Variants in MYT1L observed in about 807,000 individuals in gnomAD.
MYT1L encodes myelin transcription factor 1 like.
In MYT1L, 12 loss-of-function variants were observed where a neutral mutation model predicts 126.7. The ratio of observed to expected loss-of-function variants is 0.09; its 90% CI spans 0.06 to 0.15. The LOEUF is 0.15. Ranked by LOEUF, MYT1L falls within the 10% of genes least tolerant of loss-of-function variation. The probability of loss-of-function intolerance (pLI) is 1.00; values close to 1 mark genes in which losing one functional copy is unlikely to be tolerated. For synonymous variants in MYT1L, 541 were observed against 604.2 expected (o/e 0.90, Z 1.53); for missense variants, 979 against 1,585.2 (o/e 0.62, Z 6.49).
intron 9 of MYT1L, among the ~76,000 whole-genome samples, chr2:1,927,909 C>A (rs533972965): frequency 1.8e-4 from 24 of 134,336 alleles, no homozygotes; most frequent in African/African-American, 2.6e-4. Flanking sequence ...TAATAGCAAT[C>A]GCAATGATAA....
At chr2:2,326,559 C>CAA (rs1463270784) in intron 1 of MYT1L, 1 of 141,160 alleles carries the variant, frequency 7.1e-6, no homozygotes, top group Admixed American at 6.8e-5. Flanking sequence ...CTAAAATATT[C>CAA]CCCCCCGCCA....
intron 1 of MYT1L, among the ~76,000 whole-genome samples, chr2:2,286,056 C>A (rs1427789677): frequency 6.6e-6 from 1 of 152,122 alleles, no homozygotes; most frequent in Non-Finnish European, 1.5e-5. Flanking sequence ...GATCTCAGCT[C>A]ACTGCAACCT....
At chr2:2,003,820 GC>G (rs1424725872) in intron 4 of MYT1L, among the ~76,000 whole-genome samples, 5 of 152,186 alleles carry the variant, frequency 3.3e-5, no homozygotes, top group Admixed American at 3.3e-4. Flanking sequence ...TGTTCTCATG[GC>G]CCCAGGCCCG....
intron 11 of MYT1L, among the ~76,000 whole-genome samples, chr2:1,916,544 T>C (rs1377382839): frequency 6.6e-6 from 1 of 152,228 alleles, no homozygotes; most frequent in African/African-American, 2.4e-5. Context: ...CAAAAAAAGA[T>C]GTATATCATT....
chr2:2,186,049 C>A (rs189649334), intron 2 of MYT1L, among the ~76,000 whole-genome samples: 1 of 129,540 alleles, frequency 7.7e-6, no homozygotes, highest in Non-Finnish European at 1.6e-5. Context: ...CGGACGCAGC[C>A]GGGCCTCCCA....
intron 9 of MYT1L, among the ~76,000 whole-genome samples, chr2:1,933,982 T>A (rs1010368256): frequency 4.8e-5 from 7 of 146,466 alleles, no homozygotes; most frequent in African/African-American, 1.8e-4. Flanking sequence ...TTTTTTTTTT[T>A]TTTTTTTTTT....
intron 2 of MYT1L, among the ~76,000 whole-genome samples, chr2:2,269,729 T>G (rs55695975): frequency 0.12 from 18,306 of 152,168 alleles, 1,251 homozygotes; most frequent in Non-Finnish European, 0.16. Context: ...TCTCACGTCT[T>G]GCTTAACATC....
chr2:2,101,108 T>TA (rs1372629329), intron 3 of MYT1L, among the ~76,000 whole-genome samples: 1 of 152,222 alleles, frequency 6.6e-6, no homozygotes, highest in Admixed American at 6.5e-5. Context: ...ATTGCAATCT[T>TA]AAAAAATTCT....
At chr2:2,047,770 T>C (rs924566766) in intron 4 of MYT1L, among the ~76,000 whole-genome samples, 1 of 152,222 alleles carries the variant, frequency 6.6e-6, no homozygotes, top group Non-Finnish European at 1.5e-5. Flanking sequence ...ATACTAACAA[T>C]AGTAAATTTT....
At chr2:1,882,115 G>A (rs2047636717) in intron 18 of MYT1L, among the ~76,000 whole-genome samples, 1 of 152,168 alleles carries the variant, frequency 6.6e-6, no homozygotes, top group South Asian at 2.1e-4. Context: ...AGTCTGTGCA[G>A]AAGCATTTTG....
chr2:1,800,261 A>C (rs1289627703), intron 23 of MYT1L: 1 of 152,320 alleles, frequency 6.6e-6, no homozygotes, highest in Non-Finnish European at 1.5e-5. Context: ...GGGGTGAGGA[A>C]TGCCACAGGC....
Position 1,892,243 on chromosome 2 carries a change from T to C in MYT1L, c.2077A>G (p.Ser693Gly). 1 of 1,549,886 alleles carries C rather than the reference T, an allele frequency of 6.5e-7. No homozygotes were observed. The highest frequency in any genetic ancestry group is 8.7e-7 in the Non-Finnish European group (1 of 1,146,512). Residue 693 changes from serine to glycine, a missense_variant, in exon 15 of 25, where the codon AGC becomes GGC. By Grantham distance (56) the Ser-to-Gly change is moderately conservative (BLOSUM62 0). Transcript: ENST00000647738. The stretch of plus-strand genomic sequence containing the variant: ...CTGCTGCTGCTGGGCGCGTAGCTGC[T>C]GGTGCTGCTGCTGCTGGGGCTGGGG... ...KDPSPSSSST[S>G]SYAPSSSSNL...
chr2:2,209,556 A>G (rs2093431239), intron 2 of MYT1L, among the ~76,000 whole-genome samples: 1 of 152,218 alleles, frequency 6.6e-6, no homozygotes, highest in African/African-American at 2.4e-5. Flanking sequence ...AGTTCTAACC[A>G]TGTTCTTGTA....
intron 1 of MYT1L, chr2:2,324,846 T>C (rs1371071617): frequency 6.6e-6 from 1 of 152,546 alleles, no homozygotes; most frequent in African/African-American, 2.4e-5. Context: ...GGAACTTCAC[T>C]GCTGATCTAG....
chr2:2,055,788 G>A (rs776914019), intron 3 of MYT1L, among the ~76,000 whole-genome samples: 4 of 152,110 alleles, frequency 2.6e-5, no homozygotes, highest in Admixed American at 6.5e-5. Context: ...ATATTATTAC[G>A]TTAATTTACA....
intron 4 of MYT1L, among the ~76,000 whole-genome samples, chr2:2,000,283 G>C (rs2062236522): frequency 6.6e-6 from 1 of 152,174 alleles, no homozygotes; most frequent in Non-Finnish European, 1.5e-5. Flanking sequence ...TCCTGTCCCA[G>C]GGCAGGGGGG....
intron 21 of MYT1L, among the ~76,000 whole-genome samples, chr2:1,823,827 G>T (rs965324733): frequency 1.3e-5 from 2 of 152,224 alleles, no homozygotes; most frequent in African/African-American, 4.8e-5. Context: ...CGTCCCGTGT[G>T]GTCAAATTTA....
At position 2,228,155 on chromosome 2, in the gene MYT1L, G is replaced by C. The variant is rs6751468; in HGVS notation, c.-420-55167C>G. ...AATATAATCATCATCACTATCATCA[G>C]TATAATCATTACCTACATAAAAGAC... On this transcript the variant is annotated intron_variant, in intron 2 of 24. Coordinates refer to ENST00000647738, the MANE Select transcript of MYT1L (RefSeq NM_001303052.2). The surrounding 1 kb of genome is among the most constrained non-coding windows in gnomAD (Gnocchi z 5.9). Among the ~76,000 whole-genome samples, 9,864 of 152,168 alleles carry C rather than the reference G, an allele frequency of 0.065. 372 individuals are homozygous for C. The highest frequency in any genetic ancestry group is 0.11 in the East Asian group (568 of 5,182).
chr2:2,060,280 G>A (rs1182444780), intron 3 of MYT1L, among the ~76,000 whole-genome samples: 1 of 152,120 alleles, frequency 6.6e-6, no homozygotes, highest in African/African-American at 2.4e-5. Context: ...TACAAACTCA[G>A]TTGTAGATCA....
Sources: gnomAD v4.1 joint callset for allele counts (sites outside exome capture counted in the v4.1 genomes callset) on GRCh38, gnomAD v4.1.1 for gene constraint, Gnocchi (gnomAD v3.1) non-coding constraint, MANE v1.5 for transcripts, NCBI Gene and HGNC (gene_info 2026-07-23, HGNC 2026-07-21) for gene names.